C12orf42: variants seen among roughly 807,000 people sequenced by gnomAD.
The protein encoded by C12orf42 is chromosome 12 open reading frame 42, also known as uncharacterized protein C12orf42.
C12orf42 carries 25 observed loss-of-function variants against 21.6 expected under a neutral mutation model. The observed-to-expected ratio is 1.16, with a 90% confidence interval of 0.84 to 1.62. The LOEUF is 1.62. Ranked by LOEUF, C12orf42 falls within the 40% of genes most tolerant of loss-of-function variation. The pLI, the probability that C12orf42 is intolerant of heterozygous loss-of-function variation, is 0.00. For missense variants in C12orf42, 483 were observed against 459.3 expected (o/e 1.05, Z -0.47); for synonymous variants, 174 against 175.0 (o/e 0.99, Z 0.05).
chr12:103,173,955 A>C, the C12orf42 span, among the ~76,000 whole-genome samples: 1 of 152,184 alleles, frequency 6.6e-6, no homozygotes, highest in Non-Finnish European at 1.5e-5. Flanking sequence ...CATAGAAGAC[A>C]AGGTGTTGGA....
Position 103,302,093 on chromosome 12 carries a change from A to G in C12orf42, c.*15T>C, listed in dbSNP as rs1566033650. ...GAAGATGGGCAGCACTCGCCGAACAATTCCCTCGCAGCGGTCAATGTAAGT... is the reference window on the plus strand; with the variant it reads ...GAAGATGGGCAGCACTCGCCGAACAGTTCCCTCGCAGCGGTCAATGTAAGT... On this transcript the variant is annotated 3_prime_UTR_variant, in exon 6 of 6. Coordinates refer to ENST00000548883, the MANE Select transcript of C12orf42 (RefSeq NM_198521.5). 1.3e-6 allele frequency: 2 copies of G among 1,590,596 alleles called. No individual in the cohort carries two copies. Among genetic ancestry groups the G allele is most frequent in the Non-Finnish European group, 1.7e-6 (2 of 1,167,904 alleles).
chr12:103,178,787 A>C, the C12orf42 span: 1 of 152,258 alleles, frequency 6.6e-6, no homozygotes. Context: ...TTTAAAAACC[A>C]GCATAAACTG....
the C12orf42 span, among the ~76,000 whole-genome samples, chr12:103,501,253 A>G: frequency 6.6e-6 from 1 of 152,220 alleles, no homozygotes; most frequent in Non-Finnish European, 1.5e-5. Context: ...TGTCAGGCAA[A>G]GGAGGTTTGA....
chr12:103,496,604 A>C (rs1275160211), upstream of C12orf42, among the ~76,000 whole-genome samples: 1 of 152,184 alleles, frequency 6.6e-6, no homozygotes, highest in Non-Finnish European at 1.5e-5. Flanking sequence ...TCCTGCCCAT[A>C]AGCTGTCCAT....
At chr12:103,052,564 G>A in the C12orf42 span, among the ~76,000 whole-genome samples, 6 of 151,754 alleles carry the variant, frequency 4.0e-5, no homozygotes, top group Non-Finnish European at 8.8e-5. Context: ...TATATATTCT[G>A]GATATAAACA....
the C12orf42 span, among the ~76,000 whole-genome samples, chr12:103,057,527 G>A: frequency 6.6e-6 from 1 of 152,120 alleles, no homozygotes; most frequent in Non-Finnish European, 1.5e-5. Context: ...CAAAGGACAT[G>A]ATCTCATTCT....
At chr12:103,142,536 C>T in the C12orf42 span, among the ~76,000 whole-genome samples, 1 of 152,144 alleles carries the variant, frequency 6.6e-6, no homozygotes, top group Admixed American at 6.5e-5. Flanking sequence ...ACTTAATTTT[C>T]ACTGAGGACT....
At chr12:103,075,175 T>A in the C12orf42 span, among the ~76,000 whole-genome samples, 3 of 152,170 alleles carry the variant, frequency 2.0e-5, no homozygotes, top group Admixed American at 2.0e-4. Context: ...TTTTTACTTT[T>A]CCCCAGGTTT....
the C12orf42 span, among the ~76,000 whole-genome samples, chr12:103,512,053 C>T: frequency 3.3e-5 from 5 of 152,150 alleles, no homozygotes; most frequent in Non-Finnish European, 7.3e-5. Flanking sequence ...GAGTCTTGGT[C>T]CTTTCCTAAA....
chr12:103,096,814 G>C, the C12orf42 span, among the ~76,000 whole-genome samples: 1 of 152,122 alleles, frequency 6.6e-6, no homozygotes, highest in South Asian at 2.1e-4. Context: ...GCTGAGACCT[G>C]GCACAGTTTA....
At chr12:103,156,016 T>A in the C12orf42 span, 486 of 151,978 alleles carry the variant, frequency 3.2e-3, 2 homozygotes, top group African/African-American at 0.011. Flanking sequence ...TATTATTTTA[T>A]ATTAATCATG....
intron 4 of C12orf42, among the ~76,000 whole-genome samples, chr12:103,331,433 T>C (rs939477502): frequency 6.6e-6 from 1 of 152,260 alleles, no homozygotes; most frequent in Non-Finnish European, 1.5e-5. Context: ...AATTATTCAT[T>C]CATTTCTTCA....
At chr12:103,124,715 G>T in the C12orf42 span, among the ~76,000 whole-genome samples, 2 of 152,092 alleles carry the variant, frequency 1.3e-5, no homozygotes, top group East Asian at 3.9e-4. Context: ...AGCTCCCAGT[G>T]CCTCTCCAGA....
chr12:103,433,136 CG>C (rs1950391807), intron 2 of C12orf42, among the ~76,000 whole-genome samples: 1 of 152,272 alleles, frequency 6.6e-6, no homozygotes, highest in Non-Finnish European at 1.5e-5. Flanking sequence ...GATACATTTG[CG>C]GTTGTGTCCG....
intron 2 of C12orf42, among the ~76,000 whole-genome samples, chr12:103,461,251 G>A (rs1952679039): frequency 6.6e-6 from 1 of 152,092 alleles, no homozygotes; most frequent in Non-Finnish European, 1.5e-5. Flanking sequence ...CTTAGCTCGG[G>A]CAACAAACTT....
intron 2 of C12orf42, among the ~76,000 whole-genome samples, chr12:103,421,571 CAATAAATATAAATAAATAAATA>C: frequency 7.1e-6 from 1 of 140,052 alleles, no homozygotes; most frequent in Non-Finnish European, 1.5e-5. Context: ...AAGACCTTGT[CAATAAATATAAATAAATAAATA>C]AATAAATAAA....
intron 1 of C12orf42, among the ~76,000 whole-genome samples, chr12:103,487,602 A>G (rs1330444612): frequency 1.2e-4 from 18 of 152,172 alleles, no homozygotes; most frequent in Admixed American, 1.2e-3. Context: ...GTCTCTTTGT[A>G]GGTCTCTAAG....
intron 4 of C12orf42, among the ~76,000 whole-genome samples, chr12:103,368,421 G>A (rs1239322576): frequency 6.6e-6 from 1 of 151,828 alleles, no homozygotes; most frequent in East Asian, 1.9e-4. Flanking sequence ...AATGTTGACT[G>A]GTGTATTCCA....
Position 103,424,814 on chromosome 12 carries a change from GC to G in C12orf42, c.79-23140del, listed in dbSNP as rs1949669963. Among the ~76,000 whole-genome samples the G allele has an allele frequency of 2.0e-5, 3 of 152,154 alleles. No homozygotes were observed. In the South Asian group the frequency reaches 6.2e-4, roughly 32 times the overall value. ...GTTTTGTTTTTCATTCCCCAGTGGT[GC>G]CTGGAACACCAGCGAGACAGAACCA... On this transcript the variant is annotated intron_variant, in intron 2 of 5. Transcript: ENST00000548883.
Sources: gnomAD v4.1 joint callset for allele counts (sites outside exome capture counted in the v4.1 genomes callset) on GRCh38, gnomAD v4.1.1 for gene constraint, MANE v1.5 for transcripts, NCBI Gene and HGNC (gene_info 2026-07-23, HGNC 2026-07-21) for gene names.